The following KHDRBS3 variants were observed in gnomAD, a reference collection of about 807,000 sequenced individuals.
KHDRBS3 encodes KH domain-containing, RNA-binding, signal transduction-associated protein 3.
A neutral mutation model predicts 45.6 loss-of-function variants in KHDRBS3; 23 were observed. The observed-to-expected ratio is 0.50, with a 90% CI of 0.36 to 0.72. The LOEUF is 0.72. KHDRBS3 is among the 30% of genes least tolerant of loss of function. The probability of loss-of-function intolerance (pLI) is 0.00; values close to 1 mark genes in which losing one functional copy is unlikely to be tolerated. For missense variants in KHDRBS3, 352 were observed against 424.8 expected (o/e 0.83, Z 1.51); for synonymous variants, 162 against 156.5 (o/e 1.04, Z -0.26).
intron 7 of KHDRBS3, among the ~76,000 whole-genome samples, chr8:135,611,956 A>G (rs984107300): frequency 6.6e-6 from 1 of 151,886 alleles, no homozygotes; most frequent in Non-Finnish European, 1.5e-5. Flanking sequence ...CAAGGAAATC[A>G]TCACGGCCAT....
At chr8:135,606,344 A>T (rs1281860076) in intron 6 of KHDRBS3, among the ~76,000 whole-genome samples, 2 of 152,116 alleles carry the variant, frequency 1.3e-5, no homozygotes, top group Non-Finnish European at 2.9e-5. Flanking sequence ...ATTTTTGATT[A>T]GCCCATTGTT....
intron 5 of KHDRBS3, among the ~76,000 whole-genome samples, chr8:135,562,388 C>G (rs1827210204): frequency 6.6e-6 from 1 of 152,164 alleles, no homozygotes; most frequent in African/African-American, 2.4e-5. Context: ...GAACAGTAGG[C>G]TGTATCATAT....
At chr8:135,506,404 CTT>C (rs35050617) in intron 1 of KHDRBS3, among the ~76,000 whole-genome samples, 18 of 139,706 alleles carry the variant, frequency 1.3e-4, no homozygotes, top group Admixed American at 1.4e-4. Context: ...TAACATTCCT[CTT>C]TTTTTTTTTT....
chr8:135,596,009 C>CAT (rs1828956980), intron 6 of KHDRBS3, among the ~76,000 whole-genome samples: 1 of 151,894 alleles, frequency 6.6e-6, no homozygotes. Flanking sequence ...GGCGTGAAAG[C>CAT]TAAAATGGTT....
At chr8:135,649,275 T>C (rs1563832671), downstream of KHDRBS3, among the ~76,000 whole-genome samples, 1 of 152,178 alleles carries the variant, frequency 6.6e-6, no homozygotes, top group Non-Finnish European at 1.5e-5. Flanking sequence ...ATTTGAGCTC[T>C]GCCACTTAGC....
chr8:135,494,577 C>G (rs1057229215), intron 1 of KHDRBS3, among the ~76,000 whole-genome samples: 1 of 152,138 alleles, frequency 6.6e-6, no homozygotes, highest in Non-Finnish European at 1.5e-5. Context: ...CGCGCCCAGC[C>G]CTCCTCCTTT....
At chr8:135,469,810 A>C (rs1360351799) in intron 1 of KHDRBS3, among the ~76,000 whole-genome samples, 1 of 152,146 alleles carries the variant, frequency 6.6e-6, no homozygotes, top group Non-Finnish European at 1.5e-5. Flanking sequence ...TACAGGCGTG[A>C]GCCACCGCGC....
intron 1 of KHDRBS3, among the ~76,000 whole-genome samples, chr8:135,477,339 AGT>A (rs1822342670): frequency 6.6e-6 from 1 of 152,206 alleles, no homozygotes; most frequent in African/African-American, 2.4e-5. Flanking sequence ...TGCTGTAAAA[AGT>A]GTATCTTATT....
At chr8:135,553,430 T>TAA (rs1826715969) in intron 4 of KHDRBS3, among the ~76,000 whole-genome samples, 1 of 152,156 alleles carries the variant, frequency 6.6e-6, no homozygotes, top group Admixed American at 6.5e-5. Context: ...GTTTTTAACT[T>TAA]ACGTGATTTT....
chr8:135,491,059 A>C (rs1211857231), intron 1 of KHDRBS3, among the ~76,000 whole-genome samples: 1 of 152,156 alleles, frequency 6.6e-6, no homozygotes, highest in Non-Finnish European at 1.5e-5. Context: ...TTCAGCCTTA[A>C]TTTATGTATA....
chr8:135,515,190 C>T (rs560447614), intron 1 of KHDRBS3, among the ~76,000 whole-genome samples: 5 of 151,548 alleles, frequency 3.3e-5, no homozygotes, highest in African/African-American at 9.7e-5. Context: ...CACGGTGAAA[C>T]GCCGTCTCTA....
chr8:135,465,935 A>G (rs1160090569), intron 1 of KHDRBS3, among the ~76,000 whole-genome samples: 2 of 152,104 alleles, frequency 1.3e-5, no homozygotes, highest in Non-Finnish European at 2.9e-5. Context: ...CCCATGGGAG[A>G]AAATATAGAA....
intron 1 of KHDRBS3, among the ~76,000 whole-genome samples, chr8:135,514,988 C>T (rs1349064188): frequency 6.6e-6 from 1 of 151,926 alleles, no homozygotes; most frequent in Non-Finnish European, 1.5e-5. Context: ...CATTATTTTT[C>T]AATATTTTGC....
chr8:135,556,709 C>T (rs949668831), intron 4 of KHDRBS3, among the ~76,000 whole-genome samples: 1 of 152,150 alleles, frequency 6.6e-6, no homozygotes, highest in African/African-American at 2.4e-5. Context: ...TAGACCTGAA[C>T]TTTCCCTTTT....
At chr8:135,545,697 G>T (rs1315265798) in intron 3 of KHDRBS3, among the ~76,000 whole-genome samples, 1 of 152,076 alleles carries the variant, frequency 6.6e-6, no homozygotes, top group East Asian at 1.9e-4. Context: ...CACCAGTTTT[G>T]TCTATCTCTT....
At chr8:135,590,463 G>C (rs1828696068) in intron 6 of KHDRBS3, among the ~76,000 whole-genome samples, 1 of 152,162 alleles carries the variant, frequency 6.6e-6, no homozygotes, top group South Asian at 2.1e-4. Context: ...ATAGGTAGCA[G>C]GTTAGTCTAA....
chr8:135,614,127 A>G (rs1829817233), intron 7 of KHDRBS3, among the ~76,000 whole-genome samples: 1 of 151,896 alleles, frequency 6.6e-6, no homozygotes, highest in African/African-American at 2.4e-5. Flanking sequence ...CACACATTTA[A>G]TGAGTAACAA....
chr8:135,546,418 G>A (rs146745136), intron 3 of KHDRBS3, among the ~76,000 whole-genome samples: 27 of 152,210 alleles, frequency 1.8e-4, no homozygotes, highest in African/African-American at 6.5e-4. Context: ...ATGAAATTAT[G>A]GGAGTCATTA....
intron 6 of KHDRBS3, among the ~76,000 whole-genome samples, chr8:135,603,102 T>C (rs1324363727): frequency 6.6e-6 from 1 of 152,234 alleles, no homozygotes; most frequent in Non-Finnish European, 1.5e-5. Context: ...TCCACTTTTC[T>C]CTTTCCTAAC....
Sources: allele counts gnomAD v4.1 joint callset (sites outside exome capture counted in the v4.1 genomes callset), GRCh38; gene constraint gnomAD v4.1.1; transcripts MANE v1.5; gene names NCBI Gene and HGNC (gene_info 2026-07-23, HGNC 2026-07-21).